TIMELESS: variants seen among roughly 807,000 people sequenced by gnomAD.
TIMELESS encodes the protein timeless circadian regulator.
TIMELESS carries 124 observed loss-of-function variants against 164.3 expected under a neutral mutation model. The observed-to-expected ratio is 0.75, with a 90% confidence interval of 0.65 to 0.88. The LOEUF (loss-of-function observed/expected upper bound fraction) is 0.88. Ranked by LOEUF, TIMELESS falls within the 40% of genes least tolerant of loss-of-function variation. The pLI is 0.00. For missense variants in TIMELESS, 1,422 were observed against 1,491.4 expected, an observed-to-expected ratio of 0.95 and a Z score of 0.77; for synonymous variants, 564 against 563.4, an observed-to-expected ratio of 1.00 and a Z score of -0.02.
In TIMELESS at chr12:56,434,084, T is replaced by C; in HGVS notation, c.87A>G (p.Pro29=). The change falls in exon 2 of 29, where the codon CCA becomes CCG. Residue 29 remains proline (P), a synonymous_variant. Transcript: ENST00000553532. The part of the protein sequence containing the change: ...YLEGDTYHKE[P]DCLESVKDLI... The stretch of plus-strand genomic sequence containing the variant: ...CAAAAAGGTACTCACCTAAGCAATC[T>C]GGTTCCTTATGGTAAGTGTCTCCCT... The C allele has an allele frequency of 6.2e-7, 1 of 1,614,146 alleles. No individual in the cohort carries two copies.
chr12:56,421,695 T>A, intron 22 of TIMELESS, 32 bp downstream of exon 22: 1 of 1,611,590 alleles, frequency 6.2e-7, no homozygotes. Context: ...GGCTTTCATC[T>A]CAAAGGTCCC....
chr12:56,420,048 A>ATATATATATGTGTGTGTG (rs1473074484), intron 26 of TIMELESS, among the ~76,000 whole-genome samples: 2 of 87,344 alleles, frequency 2.3e-5, no homozygotes, highest in African/African-American at 1.0e-4. Context: ...ATATATATAT[A>ATATATATATGTGTGTGTG]TGTGTGTGTG....
intron 1 of TIMELESS, among the ~76,000 whole-genome samples, chr12:56,448,147 C>T (rs1451007304): frequency 3.3e-5 from 5 of 151,846 alleles, no homozygotes; most frequent in African/African-American, 7.2e-5. Flanking sequence ...GGCTCACACC[C>T]GTAATCCCAG....
intron 1 of TIMELESS, among the ~76,000 whole-genome samples, chr12:56,441,070 G>A (rs1017379527): frequency 2.0e-5 from 3 of 151,956 alleles, no homozygotes; most frequent in Admixed American, 1.3e-4. Flanking sequence ...CACCCACCTC[G>A]GCCTCCCAAA....
At position 56,420,960 on chromosome 12, in the gene TIMELESS, C is replaced by T. The variant is rs1404041661; in HGVS notation, c.3040+3G>A. On this transcript the variant is annotated splice_donor_region_variant and intron_variant, in intron 24 of 28. Coordinates refer to ENST00000553532, the MANE Select transcript of TIMELESS (RefSeq NM_003920.5). Reference sequence around the variant, plus strand: ...AGACATCTCTCCCAGCCAAAGTCCTCACCTTCCTGATGCAGGCTTTGACCA... The same window carrying T: ...AGACATCTCTCCCAGCCAAAGTCCTTACCTTCCTGATGCAGGCTTTGACCA... The T allele has an allele frequency of 1.2e-6, 2 of 1,614,192 alleles. No homozygotes were observed. The highest frequency in any genetic ancestry group is 2.2e-5 in the South Asian group (2 of 91,078).
At chr12:56,420,472 G>GAT (rs1555176506) in intron 26 of TIMELESS, 97 bp downstream of exon 26, 12 of 957,570 alleles carry the variant, frequency 1.3e-5, no homozygotes, top group Admixed American at 3.9e-5. Context: ...ATGACGATAA[G>GAT]GATAAGGAGG....
In TIMELESS at chr12:56,430,292, C is replaced by G; in HGVS notation, c.910-11G>C. The stretch of plus-strand genomic sequence containing the variant: ...ACTGTAGTTTCGTAGCTGGGTGTGT[C>G]GGTTGGGGGATTAGAATTACTCCTA... On this transcript the variant is annotated splice_polypyrimidine_tract_variant and intron_variant, in intron 9 of 28. Transcript: ENST00000553532. 4 of 1,608,618 alleles carry G rather than the reference C, an allele frequency of 2.5e-6. No individual in the cohort carries two copies. The highest frequency in any genetic ancestry group is 3.4e-6 in the Non-Finnish European group (4 of 1,177,086).
chr12:56,420,029 A>AAAAAAAATATAT (rs1555176447), intron 26 of TIMELESS, among the ~76,000 whole-genome samples: 2 of 75,188 alleles, frequency 2.7e-5, no homozygotes, highest in Non-Finnish European at 4.4e-5. Flanking sequence ...AAAAAAAAAA[A>AAAAAAAATATAT]ATATATATAT....
chr12:56,441,768 A>T (rs1310545110), intron 1 of TIMELESS, among the ~76,000 whole-genome samples: 1 of 151,494 alleles, frequency 6.6e-6, no homozygotes, highest in Non-Finnish European at 1.5e-5. Context: ...GTGCAATGGT[A>T]GCGCTAAAGA....
chr12:56,440,131 ACCTT>A (rs1868253382), intron 1 of TIMELESS, among the ~76,000 whole-genome samples: 1 of 132,344 alleles, frequency 7.6e-6, no homozygotes, highest in African/African-American at 2.8e-5. Flanking sequence ...ATTCAAATTA[ACCTT>A]TTTTTTTTTT....
chr12:56,426,732 G>T (rs1257806602), intron 13 of TIMELESS, among the ~76,000 whole-genome samples: 2 of 151,928 alleles, frequency 1.3e-5, no homozygotes, highest in Non-Finnish European at 2.9e-5. Flanking sequence ...GCTAATTTTT[G>T]TATTTTTAGT....
intron 19 of TIMELESS, 34 bp downstream of exon 19, chr12:56,422,813 A>ACCCCCCCCC (rs2136134326): frequency 1.5e-6 from 2 of 1,357,004 alleles, no homozygotes; most frequent in Non-Finnish European, 2.1e-6. Flanking sequence ...AACTTCCCCT[A>ACCCCCCCCC]CCCCCACCCA....
In TIMELESS at chr12:56,421,431, T is replaced by TA. The variant is rs1881482353; in HGVS notation, c.2787dup (p.Lys930Ter). On this transcript the variant is annotated frameshift_variant, in exon 23 of 29. Transcript: ENST00000553532. LOFTEE classifies it high-confidence loss of function. ...GCCACCAGCCCCAGAGCCAAGAGTT[T>TA]ATCCACTATTCGGGCCCGTGAGCGT... 1 of 1,614,068 alleles carries TA rather than the reference T, an allele frequency of 6.2e-7. No homozygotes were observed. Among genetic ancestry groups the TA allele is most frequent in the Non-Finnish European group, 8.5e-7 (1 of 1,180,036 alleles).
At chr12:56,438,777 C>CAAAAAAA (rs34222190) in intron 1 of TIMELESS, among the ~76,000 whole-genome samples, 1 of 48,472 alleles carries the variant, frequency 2.1e-5, no homozygotes, top group Non-Finnish European at 3.2e-5. Flanking sequence ...AGCTCTGTCT[C>CAAAAAAA]AAAAAAAAAA....
intron 1 of TIMELESS, among the ~76,000 whole-genome samples, chr12:56,445,991 A>C (rs532075931): frequency 1.3e-5 from 2 of 152,174 alleles, no homozygotes; most frequent in East Asian, 3.9e-4. Context: ...CGGCAGCCTC[A>C]ACCTCCCAGG....
chr12:56,428,324 G>A lies in TIMELESS; in HGVS notation c.1490C>T (p.Ser497Phe), dbSNP rs150731263. ...RKFDERCQPR[S>F]FLRDLVETTH... Reference sequence around the variant, plus strand: ...GGTCTCCACCAGGTCACGAAGGAAAGAGCGGGGCTGGCATCTCTCATCAAA... The same window carrying A: ...GGTCTCCACCAGGTCACGAAGGAAAAAGCGGGGCTGGCATCTCTCATCAAA... The change falls in exon 13 of 29, where the codon TCT (serine) becomes TTT (phenylalanine). Residue 497 changes from serine to phenylalanine, a missense_variant. Ser to Phe is a radical substitution (Grantham distance 155). Transcript: ENST00000553532. The A allele has an allele frequency of 3.9e-5, 63 of 1,613,678 alleles. No homozygotes were observed. Among genetic ancestry groups the A allele is most frequent in the Non-Finnish European group, 5.1e-5 (60 of 1,179,726 alleles).
At chr12:56,438,396 G>C (rs1354630888) in intron 1 of TIMELESS, among the ~76,000 whole-genome samples, 1 of 151,996 alleles carries the variant, frequency 6.6e-6, no homozygotes, top group African/African-American at 2.4e-5. Context: ...TCACCATGTT[G>C]CCCAGGCTGC....
rs1881980101 is a variant in TIMELESS at position 56,433,862 on chromosome 12, C to A, written c.162G>T (p.Gln54His). The A allele has an allele frequency of 6.2e-7, 1 of 1,614,080 alleles. No individual in the cohort carries two copies. Among genetic ancestry groups the A allele is most frequent in the Non-Finnish European group, 8.5e-7 (1 of 1,180,042 alleles). The change falls in exon 3 of 29, where the codon CAG (glutamine) becomes CAT (histidine). Residue 54 changes from glutamine (Q) to histidine (H), a missense_variant. Coordinates refer to ENST00000553532, the MANE Select transcript of TIMELESS (RefSeq NM_003920.5). The stretch of plus-strand genomic sequence containing the variant: ...TCTGTAGGATCTGGGCTGCCCCCAG[C>A]TGCTGCCGCACATCTCGTGTCTCAT... ...HEDETRDVRQ[Q>H]LGAAQILQSD...
chr12:56,425,220 C>G (rs1039602704), intron 13 of TIMELESS, 68 bp from the exon 14 acceptor site: 63 of 1,503,776 alleles, frequency 4.2e-5, no homozygotes, highest in South Asian at 4.1e-4. Context: ...AGTGTCTTTT[C>G]TATTACAAAA....
Sources: gnomAD v4.1 joint callset for allele counts (sites outside exome capture counted in the v4.1 genomes callset) on GRCh38, gnomAD v4.1.1 for gene constraint, MANE v1.5 for transcripts, NCBI Gene and HGNC (gene_info 2026-07-23, HGNC 2026-07-21) for gene names.